The following GALK2 variants were observed in gnomAD, a reference collection of about 807,000 sequenced individuals.
GALK2 encodes the protein galactokinase 2, also known as N-acetylgalactosamine kinase.
Under a neutral mutation model 52.4 loss-of-function variants are expected in GALK2, and 36 were observed. The ratio of observed to expected loss-of-function variants is 0.69; its 90% CI spans 0.53 to 0.91. The LOEUF is 0.91. Among genes scored for constraint, GALK2 ranks in the 40% least tolerant of loss-of-function variants. GALK2 has a pLI of 0.00. For synonymous variants in GALK2, 176 were observed against 199.1 expected, an observed-to-expected ratio of 0.88 and a Z score of 0.98; for missense variants, 579 against 559.1, an observed-to-expected ratio of 1.04 and a Z score of -0.36.
intron 3 of GALK2, chr15:49,366,275 A>C: frequency 1.3e-6 from 1 of 787,028 alleles, no homozygotes; most frequent in Non-Finnish European, 2.4e-6. Flanking sequence ...TATAAATGCA[A>C]TCAGTATTTT....
chr15:49,314,450 G>T (rs1056907181), intron 8 of GALK2, among the ~76,000 whole-genome samples: 1 of 152,162 alleles, frequency 6.6e-6, no homozygotes, highest in Non-Finnish European at 1.5e-5. Context: ...TTTTGGTGAG[G>T]ATGCTAGTGA....
chr15:49,250,699 C>T (rs991976870), intron 5 of GALK2, among the ~76,000 whole-genome samples: 2 of 152,072 alleles, frequency 1.3e-5, no homozygotes, highest in African/African-American at 4.8e-5. Context: ...TCGGAAAACC[C>T]TGGAGATGAG....
chr15:49,310,551 AT>A (rs1278807642), intron 8 of GALK2, among the ~76,000 whole-genome samples: 1 of 151,858 alleles, frequency 6.6e-6, no homozygotes, highest in Non-Finnish European at 1.5e-5. Context: ...ATCACTTGTT[AT>A]TTTTTTGTCT....
chr15:49,265,710 C>G (rs553914887), intron 5 of GALK2, among the ~76,000 whole-genome samples: 1 of 152,342 alleles, frequency 6.6e-6, no homozygotes, highest in African/African-American at 2.4e-5. Context: ...ATTCGGCCAT[C>G]TTTGCTCCTG....
At chr15:49,247,707 C>T (rs879500308) in intron 5 of GALK2, among the ~76,000 whole-genome samples, 6 of 152,138 alleles carry the variant, frequency 3.9e-5, no homozygotes, top group Non-Finnish European at 8.8e-5. Flanking sequence ...CTGGGAGGGG[C>T]CCAAGGGCAT....
Position 49,354,389 on chromosome 15 carries a change from G to A in GALK2, c.427-13102G>A, listed in dbSNP as rs1186372784. ...AGTGGGCGCAGGTCAGTGGGTGCGC[G>A]CACCGTGCGTGAGCCGAAGCAGGGC... is the stretch of plus-strand genomic sequence containing the variant. On this transcript the variant is annotated intron_variant, in intron 3 of 3. Transcript: ENST00000558399. 4.6e-5 allele frequency among the ~76,000 whole-genome samples: 7 copies of A among 152,238 alleles called. No homozygotes were observed. The East Asian group carries it at 5.8e-4, about 13-fold the overall frequency.
chr15:49,314,259 T>C (rs2036228403), intron 8 of GALK2, among the ~76,000 whole-genome samples: 1 of 152,268 alleles, frequency 6.6e-6, no homozygotes, highest in African/African-American at 2.4e-5. Flanking sequence ...TCCATTTTTA[T>C]ATTCTTTCTC....
At chr15:49,359,538 G>A (rs2043804496) in intron 3 of GALK2, among the ~76,000 whole-genome samples, 2 of 117,184 alleles carry the variant, frequency 1.7e-5, no homozygotes, top group South Asian at 5.7e-4. Flanking sequence ...ACCACAATGA[G>A]ATACCATCTC....
chr15:49,277,420 G>A (rs1237170403), intron 5 of GALK2, among the ~76,000 whole-genome samples: 2 of 141,318 alleles, frequency 1.4e-5, no homozygotes, highest in Non-Finnish European at 3.1e-5. Context: ...CGCCCGCCTC[G>A]GCCTCCCAAA....
chr15:49,352,034 G>T (rs975015780), intron 3 of GALK2, among the ~76,000 whole-genome samples: 2 of 152,182 alleles, frequency 1.3e-5, no homozygotes, highest in Admixed American at 1.3e-4. Flanking sequence ...GTCAGTTGTT[G>T]ACTGGGACTG....
chr15:49,302,186 T>C (rs1193241603), intron 8 of GALK2, among the ~76,000 whole-genome samples: 2 of 152,210 alleles, frequency 1.3e-5, no homozygotes, highest in Non-Finnish European at 2.9e-5. Context: ...GGCACACTTA[T>C]AAGCTGCCCT....
chr15:49,203,564 C>G (rs2087978386), intron 2 of GALK2, among the ~76,000 whole-genome samples: 1 of 152,020 alleles, frequency 6.6e-6, no homozygotes. Flanking sequence ...GTTTCTTTGC[C>G]TGTGCTTTTA....
intron 3 of GALK2, among the ~76,000 whole-genome samples, chr15:49,343,228 TC>T (rs2041000132): frequency 1.3e-5 from 2 of 152,292 alleles, no homozygotes; most frequent in Admixed American, 6.5e-5. Context: ...TTTTCTTAAT[TC>T]TTTTTTTAAT....
intron 3 of GALK2, among the ~76,000 whole-genome samples, chr15:49,355,778 C>T (rs946367681): frequency 6.6e-6 from 1 of 151,768 alleles, no homozygotes; most frequent in Non-Finnish European, 1.5e-5. Flanking sequence ...AACTCCAAGA[C>T]ACATAATTGT....
chr15:49,156,019 A>G (rs369007851), intron 1 of GALK2: 11 of 1,613,986 alleles, frequency 6.8e-6, no homozygotes, highest in Non-Finnish European at 2.5e-6. Context: ...TATGACAGGT[A>G]TTATTTCTGC....
intron 3 of GALK2, among the ~76,000 whole-genome samples, chr15:49,346,793 C>T (rs887207887): frequency 1.3e-5 from 2 of 152,174 alleles, no homozygotes; most frequent in African/African-American, 4.8e-5. Flanking sequence ...GAATCTCCTA[C>T]TTTATACACT....
At chr15:49,308,572 CT>C (rs1187264026) in intron 8 of GALK2, among the ~76,000 whole-genome samples, 2 of 152,150 alleles carry the variant, frequency 1.3e-5, no homozygotes, top group Admixed American at 1.3e-4. Flanking sequence ...AAAACCAATG[CT>C]CTGCATTCTT....
intron 1 of GALK2, 104 bp downstream of exon 1, chr15:49,170,479 G>C: frequency 4.2e-6 from 5 of 1,193,378 alleles, no homozygotes; most frequent in Non-Finnish European, 6.0e-6. Context: ...TTTTGGTCCC[G>C]GGGAGCAAGT....
At chr15:49,260,081 TTTGGGTATATACCCAGTAATGGGATGG>T (rs1484186140) in intron 5 of GALK2, among the ~76,000 whole-genome samples, 1 of 151,970 alleles carries the variant, frequency 6.6e-6, no homozygotes, top group Non-Finnish European at 1.5e-5. Context: ...TTTATAGTCC[TTTGGGTATATACCCAGTAATGGGATGG>T]CTGGGTGAAA....
Sources: allele counts gnomAD v4.1 joint callset (sites outside exome capture counted in the v4.1 genomes callset), GRCh38; gene constraint gnomAD v4.1.1; transcripts MANE v1.5; gene names NCBI Gene and HGNC (gene_info 2026-07-23, HGNC 2026-07-21).